IQSEC3: variants seen among roughly 807,000 people sequenced by gnomAD.
IQSEC3 encodes IQ motif and Sec7 domain ArfGEF 3, also known as IQ motif and SEC7 domain-containing protein 3.
In IQSEC3, 50 loss-of-function variants were observed where a neutral mutation model predicts 105.4. That is an observed-to-expected ratio of 0.47 (90% CI 0.38 to 0.60). The LOEUF is 0.60. Among genes scored for constraint, IQSEC3 ranks in the 20% least tolerant of loss-of-function variants. The pLI, the probability that IQSEC3 is intolerant of heterozygous loss-of-function variation, is 0.00. For synonymous variants in IQSEC3, 708 were observed against 746.0 expected (o/e 0.95, Z 0.83); for missense variants, 1,415 against 1,630.0 (o/e 0.87, Z 2.27).
At chr12:123,974 T>C (rs1865299461) in intron 2 of IQSEC3, among the ~76,000 whole-genome samples, 1 of 152,126 alleles carries the variant, frequency 6.6e-6, no homozygotes, top group Non-Finnish European at 1.5e-5. Flanking sequence ...TCTCCTCAGT[T>C]CACCATCAAC....
intron 13 of IQSEC3, 117 bp downstream of exon 13, chr12:171,278 C>T: frequency 1.2e-6 from 2 of 1,614,060 alleles, no homozygotes; most frequent in Non-Finnish European, 1.7e-6. Flanking sequence ...GCCCGACTCA[C>T]CATTTTACCA....
At chr12:95,093 G>A (rs1207397522) in intron 1 of IQSEC3, among the ~76,000 whole-genome samples, 1 of 152,106 alleles carries the variant, frequency 6.6e-6, no homozygotes, top group African/African-American at 2.4e-5. Context: ...AGCCTTGGGT[G>A]CCATCAAAAG....
intron 5 of IQSEC3, among the ~76,000 whole-genome samples, chr12:155,176 G>T (rs889001319): frequency 4.6e-5 from 7 of 152,228 alleles, no homozygotes; most frequent in African/African-American, 1.7e-4. Flanking sequence ...GGTGAGGAGG[G>T]CCACCGGGAA....
At chr12:121,272 A>C (rs1327002970) in intron 2 of IQSEC3, among the ~76,000 whole-genome samples, 1 of 152,232 alleles carries the variant, frequency 6.6e-6, no homozygotes, top group Admixed American at 6.5e-5. Flanking sequence ...ACTGGATTGA[A>C]GTAGATGGCC....
chr12:136,169 T>C (rs7974784), intron 3 of IQSEC3, among the ~76,000 whole-genome samples: 123,861 of 152,186 alleles, frequency 0.81, 50,730 homozygotes, highest in Non-Finnish European at 0.86. Flanking sequence ...AAGGCTTAGT[T>C]GCCATTTACA....
At chr12:115,359 A>T (rs1178611561) in intron 2 of IQSEC3, among the ~76,000 whole-genome samples, 1 of 152,190 alleles carries the variant, frequency 6.6e-6, no homozygotes, top group African/African-American at 2.4e-5. Flanking sequence ...CAGAAGGAAG[A>T]TGGAATGAAG....
chr12:109,866 C>A (rs1864819781), intron 2 of IQSEC3, among the ~76,000 whole-genome samples: 1 of 152,222 alleles, frequency 6.6e-6, no homozygotes, highest in South Asian at 2.1e-4. Flanking sequence ...CTATCTATCT[C>A]TATCATCCTG....
At chr12:84,103 G>A (rs891267304) in intron 1 of IQSEC3, among the ~76,000 whole-genome samples, 3 of 152,238 alleles carry the variant, frequency 2.0e-5, no homozygotes, top group African/African-American at 7.2e-5. Flanking sequence ...CCCCTGTGGT[G>A]TGGGAAGTGC....
chr12:129,212 G>C (rs1865511530), intron 3 of IQSEC3, among the ~76,000 whole-genome samples: 1 of 152,212 alleles, frequency 6.6e-6, no homozygotes, highest in African/African-American at 2.4e-5. Flanking sequence ...TGAGCAGGTG[G>C]TGCTCGGGAC....
chr12:74,815 T>C (rs1555068585), intron 1 of IQSEC3, among the ~76,000 whole-genome samples: 1 of 152,260 alleles, frequency 6.6e-6, no homozygotes, highest in Non-Finnish European at 1.5e-5. Flanking sequence ...ATTTGGCAAA[T>C]GAGAAAACTA....
At chr12:125,269 A>G (rs1555082867) in intron 2 of IQSEC3, among the ~76,000 whole-genome samples, 1 of 152,176 alleles carries the variant, frequency 6.6e-6, no homozygotes, top group African/African-American at 2.4e-5. Context: ...TGCCCATTTT[A>G]TAGATGGAGA....
rs201553036 is a variant in IQSEC3 at position 165,759 on chromosome 12, C to G, written c.2840C>G (p.Pro947Arg). The change falls in exon 11 of 14, where the codon CCG becomes CGG. Residue 947 changes from proline (P) to arginine (R), a missense_variant. Physicochemically the swap from Pro to Arg is moderately radical, Grantham distance 103 (BLOSUM62 -2). Transcript: ENST00000538872. ...YYSHGITLVT[P>R]LSGSEKKQVL... Reference sequence around the variant, plus strand: ...TCTCATGGCATCACACTGGTGACCCCGCTCTCGGGCTCCGAGAAGAAGCAG... The same window carrying G: ...TCTCATGGCATCACACTGGTGACCCGGCTCTCGGGCTCCGAGAAGAAGCAG... 6.2e-7 allele frequency: 1 copy of G among 1,613,912 alleles called. No individual in the cohort carries two copies.
chr12:129,750 G>A (rs149714384), intron 3 of IQSEC3, among the ~76,000 whole-genome samples: 84 of 152,244 alleles, frequency 5.5e-4, no homozygotes, highest in African/African-American at 2.0e-3. Flanking sequence ...TGGAGTTGCA[G>A]TCAGTAGAAT....
intron 1 of IQSEC3, among the ~76,000 whole-genome samples, chr12:73,097 A>T (rs1446813284): frequency 2.8e-5 from 4 of 145,120 alleles, no homozygotes; most frequent in Admixed American, 6.8e-5. Flanking sequence ...TAAATAAATA[A>T]AAAAGGGAAT....
In IQSEC3 at chr12:174,779, G is replaced by T; in HGVS notation, c.3295G>T (p.Val1099Phe). The T allele has an allele frequency of 6.3e-7, 1 of 1,589,484 alleles. No individual in the cohort carries two copies. Among genetic ancestry groups the T allele is most frequent in the Non-Finnish European group, 8.5e-7 (1 of 1,176,490 alleles). ...GGTGCAGTGCCAGCAAATTGTCAAG[G>T]TCATTGTCCTGGACAAGCCCTGCCT... ...TLVQCQQIVK[V>F]IVLDKPCLAR... The change falls in exon 14 of 14, where the codon GTC becomes TTC. Residue 1099 changes from valine (V) to phenylalanine (F), a missense_variant. Val to Phe is a conservative substitution (Grantham distance 50). Coordinates refer to ENST00000538872, the MANE Select transcript of IQSEC3 (RefSeq NM_001170738.2).
chr12:145,692 A>G (rs1346209922), intron 5 of IQSEC3, among the ~76,000 whole-genome samples: 1 of 152,232 alleles, frequency 6.6e-6, no homozygotes, highest in Non-Finnish European at 1.5e-5. Context: ...GGAGCCAGAC[A>G]GCAGCCAGAG....
intron 2 of IQSEC3, among the ~76,000 whole-genome samples, chr12:107,699 C>T (rs555599067): frequency 1.4e-4 from 21 of 152,200 alleles, no homozygotes; most frequent in East Asian, 9.7e-4. Context: ...CGTGAGCCAC[C>T]GCGCCCGGCC....
rs553770673 is a variant in IQSEC3, at chr12:157,471, G to A, written c.2277-57G>A. Reference sequence around the variant, plus strand: ...CCTGGACACCCCCTTCCTTTGTTGGGCCCGGGGGAGGGTGGGCGGGGGCTC... The same window carrying A: ...CCTGGACACCCCCTTCCTTTGTTGGACCCGGGGGAGGGTGGGCGGGGGCTC... On this transcript the variant is annotated intron_variant, in intron 6 of 13. Coordinates refer to ENST00000538872, the MANE Select transcript of IQSEC3 (RefSeq NM_001170738.2). 3.2e-4 allele frequency: 476 copies of A among 1,495,874 alleles called. 2 individuals are homozygous for A. In the African/African-American group the frequency reaches 6.6e-3, roughly 21 times the overall value. The allele number at this position is 1,495,874 out of a possible 1,614,324, so 92.7% of individuals were successfully genotyped here.
chr12:102,601 C>T (rs1272088235), intron 2 of IQSEC3, among the ~76,000 whole-genome samples: 2 of 152,190 alleles, frequency 1.3e-5, no homozygotes, highest in South Asian at 4.1e-4. Flanking sequence ...AGAGCCTCAC[C>T]CCTCCCGAAG....
Sources: allele counts gnomAD v4.1 joint callset (sites outside exome capture counted in the v4.1 genomes callset), GRCh38; gene constraint gnomAD v4.1.1; transcripts MANE v1.5; gene names NCBI Gene and HGNC (gene_info 2026-07-23, HGNC 2026-07-21).